Variants in RAB3C observed in about 807,000 individuals in gnomAD.
RAB3C encodes RAB3C, member RAS oncogene family, also known as ras-related protein Rab-3C.
Under a neutral mutation model 26.4 loss-of-function variants are expected in RAB3C, and 17 were observed. The observed-to-expected ratio is 0.64, with a 90% CI of 0.44 to 0.97. RAB3C has a LOEUF of 0.97. Ranked by LOEUF, RAB3C falls within the 50% of genes least tolerant of loss-of-function variation. The pLI, the probability that RAB3C is intolerant of heterozygous loss-of-function variation, is 0.00. For missense variants in RAB3C, 242 were observed against 281.9 expected (o/e 0.86, Z 1.01); for synonymous variants, 91 against 95.9 (o/e 0.95, Z 0.30).
chr5:58,626,564 T>G (rs1365569625), intron 2 of RAB3C, among the ~76,000 whole-genome samples: 1 of 151,764 alleles, frequency 6.6e-6, no homozygotes, highest in East Asian at 1.9e-4. Context: ...GCTGTAAGAT[T>G]TGTGGATATT....
At chr5:58,744,346 G>A (rs1235251145) in intron 3 of RAB3C, among the ~76,000 whole-genome samples, 9 of 152,222 alleles carry the variant, frequency 5.9e-5, no homozygotes, top group Non-Finnish European at 1.3e-4. Flanking sequence ...GGGACCCCTT[G>A]ACTATCTTAT....
chr5:58,743,703 A>G (rs1368008657), intron 3 of RAB3C, among the ~76,000 whole-genome samples: 1 of 152,102 alleles, frequency 6.6e-6, no homozygotes, highest in African/African-American at 2.4e-5. Context: ...TGAGAATGAT[A>G]GTTTCTAGCT....
At chr5:58,713,352 T>TA (rs1193819949) in intron 2 of RAB3C, among the ~76,000 whole-genome samples, 1 of 152,224 alleles carries the variant, frequency 6.6e-6, no homozygotes, top group Admixed American at 6.5e-5. Context: ...GGCTTTTGTG[T>TA]AAAAAATTTA....
chr5:58,723,158 T>A (rs1740812084), intron 2 of RAB3C, among the ~76,000 whole-genome samples: 1 of 151,872 alleles, frequency 6.6e-6, no homozygotes, highest in Admixed American at 6.6e-5. Context: ...AATTCTACTT[T>A]TTTTATATTC....
chr5:58,712,864 T>C (rs570956923), intron 2 of RAB3C, among the ~76,000 whole-genome samples: 100 of 152,282 alleles, frequency 6.6e-4, no homozygotes, highest in Non-Finnish European at 1.1e-3. Context: ...TGAAGATATA[T>C]GTGGATTCTC....
chr5:58,636,355 A>C (rs534177278), intron 2 of RAB3C, among the ~76,000 whole-genome samples: 1 of 152,260 alleles, frequency 6.6e-6, no homozygotes, highest in Admixed American at 6.5e-5. Flanking sequence ...TGTGAATGCT[A>C]ATCTCTGTAT....
intron 4 of RAB3C, among the ~76,000 whole-genome samples, chr5:58,833,262 C>T (rs996644220): frequency 2.6e-5 from 4 of 151,330 alleles, no homozygotes; most frequent in South Asian, 4.2e-4. Flanking sequence ...CAGGGGTTCC[C>T]CACCCTGGCT....
intron 2 of RAB3C, among the ~76,000 whole-genome samples, chr5:58,678,584 T>C (rs910280863): frequency 1.3e-5 from 2 of 152,184 alleles, no homozygotes; most frequent in African/African-American, 4.8e-5. Flanking sequence ...TCCCTGCATG[T>C]TTCAGAGAAA....
chr5:58,816,350 A>G (rs2112046560), intron 3 of RAB3C, among the ~76,000 whole-genome samples: 1 of 152,344 alleles, frequency 6.6e-6, no homozygotes, highest in Admixed American at 6.5e-5. Flanking sequence ...TCTGAGAATC[A>G]GTATGGTAAC....
intron 3 of RAB3C, among the ~76,000 whole-genome samples, chr5:58,810,732 G>A (rs1440134662): frequency 6.6e-6 from 1 of 152,104 alleles, no homozygotes; most frequent in Non-Finnish European, 1.5e-5. Flanking sequence ...CAGTAACTGG[G>A]ACTACAGGCA....
intron 2 of RAB3C, among the ~76,000 whole-genome samples, chr5:58,723,428 C>T (rs1033691138): frequency 4.0e-5 from 6 of 151,844 alleles, no homozygotes; most frequent in African/African-American, 1.2e-4. Context: ...ACACTCTTAG[C>T]TAATTTTCAG....
intron 2 of RAB3C, among the ~76,000 whole-genome samples, chr5:58,713,779 G>A (rs1265246905): frequency 7.9e-5 from 12 of 152,116 alleles, no homozygotes; most frequent in Non-Finnish European, 8.8e-5. Context: ...AATTAACCAA[G>A]TATTCATTGA....
intron 3 of RAB3C, among the ~76,000 whole-genome samples, chr5:58,770,169 G>A (rs1242122212): frequency 6.6e-6 from 1 of 152,176 alleles, no homozygotes; most frequent in Non-Finnish European, 1.5e-5. Flanking sequence ...CTTTATGAAT[G>A]GCTCAGTGAT....
chr5:58,779,885 G>A (rs1468498342), intron 3 of RAB3C, among the ~76,000 whole-genome samples: 2 of 152,020 alleles, frequency 1.3e-5, no homozygotes, highest in Non-Finnish European at 2.9e-5. Flanking sequence ...CAAGCAATGT[G>A]GACAAAAACT....
At chr5:58,785,843 G>A (rs774479742) in intron 3 of RAB3C, among the ~76,000 whole-genome samples, 9 of 152,242 alleles carry the variant, frequency 5.9e-5, no homozygotes, top group Non-Finnish European at 1.2e-4. Context: ...ACAAGGGTCC[G>A]TGAAGCAGGG....
chr5:58,802,210 C>A (rs147946502), intron 3 of RAB3C, among the ~76,000 whole-genome samples: 243 of 152,238 alleles, frequency 1.6e-3, no homozygotes, highest in African/African-American at 5.5e-3. Context: ...TCCTCACAAA[C>A]CCCCTTTACC....
At chr5:58,664,631 C>G (rs1184533572) in intron 2 of RAB3C, among the ~76,000 whole-genome samples, 1 of 152,098 alleles carries the variant, frequency 6.6e-6, no homozygotes, top group Non-Finnish European at 1.5e-5. Context: ...TTAGGGGACA[C>G]TAGGTGAGGG....
intron 1 of RAB3C, among the ~76,000 whole-genome samples, chr5:58,610,942 T>C (rs72760246): frequency 0.13 from 19,865 of 152,046 alleles, 1,682 homozygotes; most frequent in South Asian, 0.2. Flanking sequence ...GTGTATTTTG[T>C]TCCCCTCTAT....
intron 2 of RAB3C, among the ~76,000 whole-genome samples, chr5:58,692,763 TG>T (rs1323600917): frequency 2.6e-5 from 4 of 152,058 alleles, no homozygotes. Context: ...ATTTAGACAA[TG>T]GTTGTAAGTC....
Sources: gnomAD v4.1 joint callset for allele counts (sites outside exome capture counted in the v4.1 genomes callset) on GRCh38, gnomAD v4.1.1 for gene constraint, MANE v1.5 for transcripts, NCBI Gene and HGNC (gene_info 2026-07-23, HGNC 2026-07-21) for gene names.